KCNN2: variants seen among roughly 807,000 people sequenced by gnomAD.
The protein encoded by KCNN2 is potassium calcium-activated channel subfamily N member 2.
In KCNN2, 24 loss-of-function variants were observed where a neutral mutation model predicts 55.5. The observed-to-expected ratio is 0.43, with a 90% CI of 0.31 to 0.61. The LOEUF (loss-of-function observed/expected upper bound fraction) is 0.61, where lower values mean the gene tolerates loss of function less well. Ranked by LOEUF, KCNN2 falls within the 20% of genes least tolerant of loss-of-function variation. The probability of loss-of-function intolerance (pLI) is 0.08; values close to 1 mark genes in which losing one functional copy is unlikely to be tolerated. For synonymous variants in KCNN2, 431 were observed against 336.1 expected, an observed-to-expected ratio of 1.28 and a Z score of -3.09; for missense variants, 754 against 853.6, an observed-to-expected ratio of 0.88 and a Z score of 1.45.
chr5:114,198,343 CGTGTATATATACATAGGT>C (rs1561519171), intron 1 of KCNN2, among the ~76,000 whole-genome samples: 1 of 131,790 alleles, frequency 7.6e-6, no homozygotes, highest in Non-Finnish European at 1.6e-5. Context: ...TATATATATA[CGTGTATATATACATAGGT>C]GTGTATATAT....
chr5:114,160,589 A>G (rs1179201023), intron 1 of KCNN2, among the ~76,000 whole-genome samples: 4 of 152,114 alleles, frequency 2.6e-5, no homozygotes, highest in Non-Finnish European at 5.9e-5. Context: ...GATCTGTCTA[A>G]TGTTGACAGT....
chr5:114,433,536 C>T (rs1759878562), intron 3 of KCNN2: 1 of 152,428 alleles, frequency 6.6e-6, no homozygotes, highest in African/African-American at 2.4e-5. Context: ...TCCTCTTCAA[C>T]ACTGTGGAAG....
Position 114,369,347 on chromosome 5 carries a change from C to A in KCNN2, c.1218+5346C>A, listed in dbSNP as rs1409025817. Among the ~76,000 whole-genome samples the A allele has an allele frequency of 3.3e-5, 5 of 152,252 alleles. No homozygotes were observed. The East Asian group carries it at 9.6e-4, about 29-fold the overall frequency. On this transcript the variant is annotated intron_variant, in intron 2 of 7. Transcript: ENST00000673685. ...ATCAGTGCGTTATCTAATCTGCCAG[C>A]AAATGGAGTTATCAGAAGCAAATGT... is the stretch of plus-strand genomic sequence containing the variant.
chr5:114,064,443 T>C (rs1310337693), intron 1 of KCNN2, among the ~76,000 whole-genome samples: 1 of 152,128 alleles, frequency 6.6e-6, no homozygotes, highest in African/African-American at 2.4e-5. Context: ...CACAGTGCTG[T>C]GAGGAAGCTC....
intron 1 of KCNN2, among the ~76,000 whole-genome samples, chr5:114,195,711 T>A (rs929572127): frequency 6.6e-5 from 10 of 152,038 alleles, no homozygotes; most frequent in African/African-American, 2.2e-4. Context: ...GCACCTCCAG[T>A]AAAAGGATGA....
At chr5:114,361,699 G>A (rs1264734692), upstream of KCNN2, among the ~76,000 whole-genome samples, 2 of 152,186 alleles carry the variant, frequency 1.3e-5, no homozygotes, top group Non-Finnish European at 2.9e-5. Context: ...GGTGATCCGG[G>A]CAGCGCGTCC....
At chr5:114,316,804 T>C (rs1167507371) in intron 2 of KCNN2, among the ~76,000 whole-genome samples, 1 of 152,184 alleles carries the variant, frequency 6.6e-6, no homozygotes, top group Non-Finnish European at 1.5e-5. Flanking sequence ...TATATGTGTG[T>C]GTATGGACTC....
At chr5:114,160,262 C>T (rs183648386) in intron 1 of KCNN2, among the ~76,000 whole-genome samples, 146 of 152,282 alleles carry the variant, frequency 9.6e-4, no homozygotes, top group African/African-American at 3.4e-3. Context: ...TCATTATGTA[C>T]GCCATAGTCG....
chr5:114,325,206 A>G (rs916821053), intron 2 of KCNN2, among the ~76,000 whole-genome samples: 1 of 152,218 alleles, frequency 6.6e-6, no homozygotes, highest in Non-Finnish European at 1.5e-5. Context: ...AAATGAAGAA[A>G]GGAAGAGGAA....
chr5:114,161,648 G>A (rs1490220836), intron 1 of KCNN2, among the ~76,000 whole-genome samples: 2 of 152,170 alleles, frequency 1.3e-5, no homozygotes, highest in South Asian at 2.1e-4. Context: ...CCAATCAGAC[G>A]TAGATTTGGT....
chr5:114,075,340 A>G (rs1750663371), intron 1 of KCNN2, among the ~76,000 whole-genome samples: 1 of 152,212 alleles, frequency 6.6e-6, no homozygotes, highest in Non-Finnish European at 1.5e-5. Context: ...AATTCCCTAA[A>G]TTAGCATTTC....
intron 3 of KCNN2, among the ~76,000 whole-genome samples, chr5:114,421,695 T>G (rs1028284858): frequency 2.6e-5 from 4 of 151,236 alleles, no homozygotes; most frequent in African/African-American, 9.7e-5. Flanking sequence ...CTGCAACCTC[T>G]GCTTCCCAGG....
intron 1 of KCNN2, among the ~76,000 whole-genome samples, chr5:114,171,497 A>G (rs1001810169): frequency 2.0e-5 from 3 of 151,790 alleles, no homozygotes; most frequent in African/African-American, 7.2e-5. Flanking sequence ...ACAGCACTCC[A>G]TTTCTCCTTC....
intron 1 of KCNN2, among the ~76,000 whole-genome samples, chr5:114,155,042 C>T (rs1257055095): frequency 6.6e-6 from 1 of 152,076 alleles, no homozygotes; most frequent in Non-Finnish European, 1.5e-5. Flanking sequence ...TCCTCACACT[C>T]TCCACCCTCA....
chr5:114,217,432 GA>G (rs1186487561), intron 1 of KCNN2, among the ~76,000 whole-genome samples: 2 of 151,974 alleles, frequency 1.3e-5, no homozygotes, highest in South Asian at 4.1e-4. Flanking sequence ...ATGTCCAGGG[GA>G]AAAAAATCGC....
intron 1 of KCNN2, among the ~76,000 whole-genome samples, chr5:114,159,550 A>G (rs938041733): frequency 4.6e-5 from 7 of 152,038 alleles, no homozygotes; most frequent in African/African-American, 9.7e-5. Flanking sequence ...CTCTTTTTCT[A>G]TTGATTGGGA....
intron 2 of KCNN2, among the ~76,000 whole-genome samples, chr5:114,352,713 C>T (rs892769197): frequency 1.3e-5 from 2 of 151,708 alleles, no homozygotes; most frequent in African/African-American, 2.4e-5. Context: ...TTAATATTTA[C>T]GTATTTCTGA....
At chr5:114,203,242 A>G (rs1167722885) in intron 1 of KCNN2, among the ~76,000 whole-genome samples, 3 of 152,180 alleles carry the variant, frequency 2.0e-5, no homozygotes, top group Admixed American at 6.5e-5. Context: ...TTTGCTGATT[A>G]TGGTGATTCA....
intron 2 of KCNN2, among the ~76,000 whole-genome samples, chr5:114,380,122 C>T (rs906458908): frequency 2.0e-5 from 3 of 151,880 alleles, no homozygotes; most frequent in Non-Finnish European, 4.4e-5. Context: ...TACAAATTAC[C>T]TGTGTTTTCT....
Sources: gnomAD v4.1 joint callset for allele counts (sites outside exome capture counted in the v4.1 genomes callset) on GRCh38, gnomAD v4.1.1 for gene constraint, MANE v1.5 for transcripts, NCBI Gene and HGNC (gene_info 2026-07-23, HGNC 2026-07-21) for gene names.